PLCXD3: variants seen among roughly 807,000 people sequenced by gnomAD.
PLCXD3 encodes the protein PI-PLC X domain-containing protein 3.
PLCXD3 carries 19 observed loss-of-function variants against 25.5 expected under a neutral mutation model. The observed-to-expected ratio is 0.75, with a 90% CI of 0.52 to 1.09. PLCXD3 has a LOEUF of 1.09. Among genes scored for constraint, PLCXD3 ranks in the 50% least tolerant of loss-of-function variants. The probability of loss-of-function intolerance (pLI) is 0.00; values close to 1 mark genes in which losing one functional copy is unlikely to be tolerated. For missense variants in PLCXD3, 411 were observed against 388.1 expected, an observed-to-expected ratio of 1.06 and a Z score of -0.50; for synonymous variants, 174 against 137.6, an observed-to-expected ratio of 1.26 and a Z score of -1.85.
At chr5:41,441,761 T>C (rs907645292) in intron 1 of PLCXD3, among the ~76,000 whole-genome samples, 1 of 152,184 alleles carries the variant, frequency 6.6e-6, no homozygotes, top group Non-Finnish European at 1.5e-5. Flanking sequence ...AAAGGGATTA[T>C]CCCAACTCTG....
chr5:41,358,067 G>A (rs1744668886), intron 2 of PLCXD3, among the ~76,000 whole-genome samples: 1 of 152,144 alleles, frequency 6.6e-6, no homozygotes. Context: ...GTTAATGAAA[G>A]CTAACATTTA....
intron 1 of PLCXD3, among the ~76,000 whole-genome samples, chr5:41,395,316 C>T (rs959124821): frequency 2.6e-5 from 4 of 152,022 alleles, no homozygotes; most frequent in African/African-American, 9.6e-5. Context: ...CTATGGGATA[C>T]AGCAAAATTA....
At position 41,312,705 on chromosome 5, in the gene PLCXD3, C is replaced by CTTCT. The variant is rs778297202; in HGVS notation, c.*911_*912insAGAA. Reference sequence around the variant, plus strand: ...CTTCCTTTCCTTCCTTCCTTCCTTCCTTCCTTCCTTCCTTCCTTCCTTCCT... The same window carrying CTTCT: ...CTTCCTTTCCTTCCTTCCTTCCTTCCTTCTTTCCTTCCTTCCTTCCTTCCTTCCT... On this transcript the variant is annotated 3_prime_UTR_variant, in exon 3 of 3. Transcript: ENST00000377801. The CTTCT allele has an allele frequency of 6.9e-6, 1 of 145,190 alleles. No homozygotes were observed. The highest frequency in any genetic ancestry group is 1.5e-5 in the Non-Finnish European group (1 of 66,446). The allele number at this position is 145,190 out of a possible 1,614,324, so 9.0% of individuals were successfully genotyped here. A position where few individuals can be genotyped will look rare whatever the true frequency, so the allele number is the denominator to read the frequency against.
chr5:41,454,985 G>C (rs551320624), intron 1 of PLCXD3, among the ~76,000 whole-genome samples: 21 of 151,936 alleles, frequency 1.4e-4, no homozygotes, highest in African/African-American at 3.6e-4. Flanking sequence ...AAGGAGAAAA[G>C]CTGAGCAAAG....
intron 1 of PLCXD3, among the ~76,000 whole-genome samples, chr5:41,420,474 T>C (rs1018180459): frequency 3.9e-5 from 6 of 152,174 alleles, no homozygotes; most frequent in Non-Finnish European, 8.8e-5. Context: ...TAAAACAAGA[T>C]TATAATAATC....
chr5:41,404,280 TAA>T, intron 1 of PLCXD3, among the ~76,000 whole-genome samples: 1 of 152,142 alleles, frequency 6.6e-6, no homozygotes, highest in Non-Finnish European at 1.5e-5. Context: ...AGGACTCTTA[TAA>T]GGAACAAGTG....
At chr5:41,350,886 G>A (rs1163093519) in intron 2 of PLCXD3, among the ~76,000 whole-genome samples, 2 of 152,032 alleles carry the variant, frequency 1.3e-5, no homozygotes, top group East Asian at 1.9e-4. Context: ...ATCTGGGACT[G>A]GTAACATAAG....
intron 1 of PLCXD3, among the ~76,000 whole-genome samples, chr5:41,405,161 G>A (rs1023085340): frequency 1.1e-4 from 17 of 152,066 alleles, no homozygotes; most frequent in African/African-American, 4.1e-4. Context: ...TTCCACCTAT[G>A]AACCAAAAAG....
At chr5:41,326,528 C>G (rs1213063377) in intron 2 of PLCXD3, among the ~76,000 whole-genome samples, 1 of 152,128 alleles carries the variant, frequency 6.6e-6, no homozygotes, top group Admixed American at 6.6e-5. Flanking sequence ...CATTTGTTCT[C>G]CAGTGATACT....
chr5:41,476,540 TC>T, intron 1 of PLCXD3, among the ~76,000 whole-genome samples: 2 of 152,220 alleles, frequency 1.3e-5, no homozygotes, highest in Non-Finnish European at 2.9e-5. Context: ...ATACATGTTG[TC>T]TCCATTTGTT....
chr5:41,331,102 T>C (rs528207293), intron 2 of PLCXD3, among the ~76,000 whole-genome samples: 5 of 152,074 alleles, frequency 3.3e-5, no homozygotes, highest in Non-Finnish European at 4.4e-5. Context: ...CCAGGGCAAT[T>C]AGGCAGGAGA....
At chr5:41,411,481 A>G (rs1746518353) in intron 1 of PLCXD3, among the ~76,000 whole-genome samples, 2 of 152,098 alleles carry the variant, frequency 1.3e-5, no homozygotes, top group Non-Finnish European at 2.9e-5. Context: ...TGAGATCTGG[A>G]TATGTAGAGA....
At chr5:41,327,707 T>A (rs1482010707) in intron 2 of PLCXD3, among the ~76,000 whole-genome samples, 5 of 152,260 alleles carry the variant, frequency 3.3e-5, no homozygotes, top group South Asian at 2.1e-4. Context: ...CATCTATTTA[T>A]AGAATGGTCT....
At chr5:41,347,522 T>C (rs987519743) in intron 2 of PLCXD3, among the ~76,000 whole-genome samples, 8 of 152,214 alleles carry the variant, frequency 5.3e-5, no homozygotes, top group African/African-American at 1.9e-4. Context: ...TGCCAATCTT[T>C]CTCACTTAAT....
In PLCXD3 at chr5:41,497,044, C is replaced by T. The variant is rs183396647; in HGVS notation, c.103+13380G>A. Among the ~76,000 whole-genome samples the T allele has an allele frequency of 3.6e-3, 534 of 147,190 alleles. 1 individual carries two copies. Among genetic ancestry groups the T allele is most frequent in the African/African-American group, 0.012 (483 of 39,974 alleles). ...TTTCATGTAAAACTAATGGTAGCCA[C>T]GAAGAAAAAATCTACAGAAGATACA... On this transcript the variant is annotated intron_variant, in intron 1 of 2. Transcript: ENST00000377801.
intron 1 of PLCXD3, among the ~76,000 whole-genome samples, chr5:41,409,990 G>A (rs1434452910): frequency 6.6e-6 from 1 of 152,136 alleles, no homozygotes; most frequent in Non-Finnish European, 1.5e-5. Context: ...ATGAATGAAT[G>A]AATGAAAGAA....
chr5:41,451,325 T>C (rs1355540179), intron 1 of PLCXD3, among the ~76,000 whole-genome samples: 1 of 152,070 alleles, frequency 6.6e-6, no homozygotes, highest in Non-Finnish European at 1.5e-5. Flanking sequence ...GTTTGGAATA[T>C]TTGTCATAAG....
intron 1 of PLCXD3, among the ~76,000 whole-genome samples, chr5:41,414,836 C>A (rs1299434626): frequency 2.6e-5 from 4 of 152,224 alleles, no homozygotes; most frequent in African/African-American, 9.6e-5. Context: ...ACTCCTTAGT[C>A]ATTTAGAAAC....
At chr5:41,398,703 G>A (rs1746084854) in intron 1 of PLCXD3, among the ~76,000 whole-genome samples, 1 of 151,880 alleles carries the variant, frequency 6.6e-6, no homozygotes, top group African/African-American at 2.4e-5. Context: ...CCAAAAACTG[G>A]GGATAGAAGG....
Sources: allele counts gnomAD v4.1 joint callset (sites outside exome capture counted in the v4.1 genomes callset), GRCh38; gene constraint gnomAD v4.1.1; transcripts MANE v1.5; gene names NCBI Gene and HGNC (gene_info 2026-07-23, HGNC 2026-07-21).